The following EZH2 variants were observed in gnomAD, a reference collection of about 807,000 sequenced individuals.
The protein encoded by EZH2 is enhancer of zeste 2 polycomb repressive complex 2 subunit, also known as histone-lysine N-methyltransferase EZH2.
A neutral mutation model predicts 98.4 loss-of-function variants in EZH2; 18 were observed. That is an observed-to-expected ratio of 0.18 (90% CI 0.13 to 0.27). The LOEUF (loss-of-function observed/expected upper bound fraction) is 0.27, where lower values mean the gene tolerates loss of function less well. EZH2 is among the 10% of genes least tolerant of loss of function. The pLI is 1.00. For missense variants in EZH2, 470 were observed against 935.1 expected (o/e 0.50, Z 6.49); for synonymous variants, 338 against 312.3 (o/e 1.08, Z -0.87).
At chr7:148,831,965 T>C (rs1014249446) in intron 4 of EZH2, among the ~76,000 whole-genome samples, 6 of 152,232 alleles carry the variant, frequency 3.9e-5, no homozygotes, top group Admixed American at 2.0e-4. Context: ...TACACCATAA[T>C]GTACATTATC....
intron 1 of EZH2, 76 bp downstream of exon 1, chr7:148,884,088 G>A (rs1016863724): frequency 3.3e-5 from 5 of 152,036 alleles, no homozygotes; most frequent in Non-Finnish European, 5.9e-5. Flanking sequence ...TGGCGGGGAG[G>A]TCCTGGCGCC....
chr7:148,880,692 A>G (rs1345260335), intron 1 of EZH2, among the ~76,000 whole-genome samples: 1 of 152,226 alleles, frequency 6.6e-6, no homozygotes, highest in Non-Finnish European at 1.5e-5. Flanking sequence ...AGTTCCTCAC[A>G]TGAATACTAA....
chr7:148,834,597 T>C (rs910888927), intron 3 of EZH2, among the ~76,000 whole-genome samples: 6 of 152,116 alleles, frequency 3.9e-5, no homozygotes, highest in Admixed American at 3.3e-4. Flanking sequence ...ATGGAGTAGT[T>C]AGGAAGAACT....
chr7:148,820,696 T>TAA (rs1266956658), intron 8 of EZH2, among the ~76,000 whole-genome samples: 1 of 152,214 alleles, frequency 6.6e-6, no homozygotes, highest in Non-Finnish European at 1.5e-5. Context: ...TAAGGAACCC[T>TAA]AATACAACTG....
At chr7:148,863,072 A>C (rs996931365) in intron 1 of EZH2, among the ~76,000 whole-genome samples, 1 of 128,394 alleles carries the variant, frequency 7.8e-6, no homozygotes, top group Non-Finnish European at 1.6e-5. Flanking sequence ...TGACAGAGTG[A>C]GACCCTGTCT....
chr7:148,884,087 G>A (rs1821448455), intron 1 of EZH2, 77 bp downstream of exon 1: 2 of 151,946 alleles, frequency 1.3e-5, no homozygotes, highest in African/African-American at 4.8e-5. Flanking sequence ...GTGGCGGGGA[G>A]GTCCTGGCGC....
chr7:148,861,872 CTAA>C (rs1197680613), intron 1 of EZH2, among the ~76,000 whole-genome samples: 1 of 150,554 alleles, frequency 6.6e-6, no homozygotes, highest in Non-Finnish European at 1.5e-5. Flanking sequence ...TAATATCTGT[CTAA>C]TAGGAAACGG....
At position 148,815,692 on chromosome 7, in the gene EZH2, T is replaced by C. The variant is rs528980881; in HGVS notation, c.1506-146A>G. On this transcript the variant is annotated intron_variant, in intron 12 of 19. Coordinates refer to ENST00000320356, the MANE Select transcript of EZH2 (RefSeq NM_004456.5). ...TGCCCTGCCCAGTTTATATTTGCCA[T>C]CAGTTTGAAGCAACTCAAACAGCTT... is the stretch of plus-strand genomic sequence containing the variant. 381 of 730,838 alleles carry C rather than the reference T, an allele frequency of 5.2e-4. 3 individuals are homozygous for C. Among genetic ancestry groups the C allele is most frequent in the Admixed American group, 1.3e-3 (51 of 40,556 alleles). 45.3% of individuals were successfully genotyped at this position (730,838 alleles called of 1,614,324 possible). A position where few individuals can be genotyped will look rare whatever the true frequency, so the allele number is the denominator to read the frequency against.
At position 148,846,506 on chromosome 7, in the gene EZH2, G is replaced by T; in HGVS notation, c.210C>A (p.Ile70=). Reference sequence around the variant, plus strand: ...CGCGCAATGAGCTCACAGAAGTCAGGATGTGCACAGGCTGTATCCTTCGCT... The same window carrying T: ...CGCGCAATGAGCTCACAGAAGTCAGTATGTGCACAGGCTGTATCCTTCGCT... ...WKQRRIQPVH[I]LTSVSSLRGT... Residue 70 remains isoleucine, a synonymous_variant, in exon 3 of 20, where the codon ATC becomes ATA. Coordinates refer to ENST00000320356, the MANE Select transcript of EZH2 (RefSeq NM_004456.5). 6.2e-7 allele frequency: 1 copy of T among 1,613,830 alleles called. No individual in the cohort carries two copies. The highest frequency in any genetic ancestry group is 8.5e-7 in the Non-Finnish European group (1 of 1,179,864).
chr7:148,827,268 T>C lies in EZH2; in HGVS notation c.626-2A>G. On this transcript the variant is annotated splice_acceptor_variant, in intron 6 of 19. Coordinates refer to ENST00000320356, the MANE Select transcript of EZH2 (RefSeq NM_004456.5). LOFTEE classifies it high-confidence loss of function. ...TCCGAGGTGGGCGGCTTTCTTTATC[T>C]AAACAGGAGAATATGAAAGGAAAAA... 1.2e-6 allele frequency: 2 copies of C among 1,605,756 alleles called. No individual in the cohort carries two copies. Among genetic ancestry groups the C allele is most frequent in the Non-Finnish European group, 1.7e-6 (2 of 1,175,830 alleles).
Position 148,817,905 on chromosome 7 carries a change from C to T in EZH2, c.1212G>A (p.Glu404=), listed in dbSNP as rs1805012968. 1.2e-6 allele frequency: 2 copies of T among 1,614,052 alleles called. No individual in the cohort carries two copies. Among genetic ancestry groups the T allele is most frequent in the Non-Finnish European group, 1.7e-6 (2 of 1,180,032 alleles). ...AGGAGCTCGAAGTTTCATCTTTCTTCTCTTCTTCTTCTTTATCATTGTTCT... is the reference window on the plus strand; with the variant it reads ...AGGAGCTCGAAGTTTCATCTTTCTTTTCTTCTTCTTCTTTATCATTGTTCT... ...GGENNDKEEE[E]KKDETSSSSE... The change falls in exon 10 of 20, where the codon GAG becomes GAA. Residue 404 remains glutamate, a synonymous_variant. Coordinates refer to ENST00000320356, the MANE Select transcript of EZH2 (RefSeq NM_004456.5).
At chr7:148,857,264 A>G (rs1254700586) in intron 1 of EZH2, among the ~76,000 whole-genome samples, 2 of 152,278 alleles carry the variant, frequency 1.3e-5, no homozygotes, top group Non-Finnish European at 2.9e-5. Context: ...AGAAAAACTT[A>G]GGAGACATGA....
Position 148,814,908 on chromosome 7 carries a change from A to G in EZH2, c.1672+6T>C. ...ATGCAATTGCATCAAAGCAACAAAT[A>G]CTTACACTCTGAACTACATTGACAA... On this transcript the variant is annotated splice_donor_region_variant and intron_variant, in intron 14 of 19. Coordinates refer to ENST00000320356, the MANE Select transcript of EZH2 (RefSeq NM_004456.5). The G allele has an allele frequency of 6.2e-7, 1 of 1,611,812 alleles. No individual in the cohort carries two copies. Among genetic ancestry groups the G allele is most frequent in the Non-Finnish European group, 8.5e-7 (1 of 1,179,524 alleles).
chr7:148,829,693 G>C (rs2129476835), intron 5 of EZH2, 35 bp downstream of exon 5: 1 of 1,595,344 alleles, frequency 6.3e-7, no homozygotes, highest in Non-Finnish European at 8.5e-7. Flanking sequence ...CAATTCTTTA[G>C]CCCCTTTTTC....
chr7:148,851,495 G>A (rs1041298625), intron 1 of EZH2, among the ~76,000 whole-genome samples: 3 of 152,184 alleles, frequency 2.0e-5, no homozygotes, highest in East Asian at 3.9e-4. Flanking sequence ...CACAACAAAC[G>A]ACTGGCTCAA....
At chr7:148,881,397 T>A (rs967370853) in intron 1 of EZH2, among the ~76,000 whole-genome samples, 33 of 152,200 alleles carry the variant, frequency 2.2e-4, no homozygotes, top group African/African-American at 7.7e-4. Context: ...TTCACTTAAA[T>A]GTATTTGTGC....
At chr7:148,881,325 G>A (rs1676819870) in intron 1 of EZH2, among the ~76,000 whole-genome samples, 1 of 152,132 alleles carries the variant, frequency 6.6e-6, no homozygotes, top group South Asian at 2.1e-4. Context: ...GGTATCCTGG[G>A]AAAATTCCAG....
intron 17 of EZH2, among the ~76,000 whole-genome samples, chr7:148,809,703 C>T (rs1016561220): frequency 4.6e-5 from 7 of 151,560 alleles, no homozygotes; most frequent in African/African-American, 1.5e-4. Flanking sequence ...CCAAACATCA[C>T]GAATAGGCAT....
chr7:148,844,380 T>A (rs1428595898), intron 3 of EZH2, among the ~76,000 whole-genome samples: 1 of 152,168 alleles, frequency 6.6e-6, no homozygotes, highest in Non-Finnish European at 1.5e-5. Flanking sequence ...ATATAAACTC[T>A]GGCTTCTAAA....
Sources: gnomAD v4.1 joint callset for allele counts (sites outside exome capture counted in the v4.1 genomes callset) on GRCh38, gnomAD v4.1.1 for gene constraint, MANE v1.5 for transcripts, NCBI Gene and HGNC (gene_info 2026-07-23, HGNC 2026-07-21) for gene names.